Variants in ECT2 observed in about 807,000 individuals in gnomAD.
The protein encoded by ECT2 is protein ECT2.
Under a neutral mutation model 116.9 loss-of-function variants are expected in ECT2, and 61 were observed. That is an observed-to-expected ratio of 0.52 (90% CI 0.42 to 0.65). ECT2 has a LOEUF of 0.65. ECT2 is among the 30% of genes least tolerant of loss of function. The pLI is 0.00. For synonymous variants in ECT2, 358 were observed against 346.4 expected (o/e 1.03, Z -0.37); for missense variants, 937 against 1,078.7 (o/e 0.87, Z 1.84).
intron 1 of ECT2, chr3:172,752,053 A>G (rs937116178): frequency 1.3e-5 from 2 of 151,890 alleles, no homozygotes; most frequent in African/African-American, 4.8e-5. Context: ...CCTTTTATTA[A>G]TCATCTGCTT....
intron 24 of ECT2, among the ~76,000 whole-genome samples, chr3:172,819,374 GTTAT>G (rs1401597806): frequency 3.3e-5 from 5 of 152,016 alleles, no homozygotes; most frequent in Non-Finnish European, 7.4e-5. Flanking sequence ...GTCTTTGCAT[GTTAT>G]TTGTTAGAGT....
intron 14 of ECT2, among the ~76,000 whole-genome samples, chr3:172,775,839 G>A (rs1297966034): frequency 6.6e-6 from 1 of 152,022 alleles, no homozygotes; most frequent in Non-Finnish European, 1.5e-5. Flanking sequence ...CTGCCATGCT[G>A]ACCAGGCTGG....
At chr3:172,798,305 A>C (rs533773848) in intron 18 of ECT2, among the ~76,000 whole-genome samples, 3 of 152,150 alleles carry the variant, frequency 2.0e-5, no homozygotes, top group Non-Finnish European at 4.4e-5. Flanking sequence ...GTCAGTTGCA[A>C]ACTTTCACCA....
chr3:172,803,104 TA>T (rs1170525482), intron 20 of ECT2, 124 bp downstream of exon 20: 2 of 927,140 alleles, frequency 2.2e-6, no homozygotes, highest in Non-Finnish European at 3.0e-6. Flanking sequence ...AATCTTTTTT[TA>T]AAAAAATCGA....
chr3:172,799,433 A>G (rs565273882), intron 18 of ECT2, among the ~76,000 whole-genome samples: 1 of 152,322 alleles, frequency 6.6e-6, no homozygotes, highest in East Asian at 1.9e-4. Flanking sequence ...CCATATGATG[A>G]CACTCCTACC....
rs528288032 is a variant in ECT2 at position 172,807,347 on chromosome 3, A to C, written c.2246-423A>C. ...TCGGTCAGCAGTTGATTGAATCCACAGATGCAGACCCACAGATACGGAAGG... is the reference window on the plus strand; with the variant it reads ...TCGGTCAGCAGTTGATTGAATCCACCGATGCAGACCCACAGATACGGAAGG... On this transcript the variant is annotated intron_variant, in intron 21 of 24. Coordinates refer to ENST00000392692, the MANE Select transcript of ECT2 (RefSeq NM_001258315.2). Among the ~76,000 whole-genome samples the C allele has an allele frequency of 1.9e-4, 29 of 152,326 alleles. No individual in the cohort carries two copies. The South Asian group carries it at 3.9e-3, about 21-fold the overall frequency.
In ECT2 at chr3:172,776,890, T is replaced by G. The variant is rs539215997; in HGVS notation, c.1548+2868T>G. Among the ~76,000 whole-genome samples the G allele has an allele frequency of 9.9e-5, 15 of 152,146 alleles. No individual in the cohort carries two copies. The South Asian group carries it at 3.1e-3, about 32-fold the overall frequency. ...ACGGGTTTGTTTTTTTTTTTTTCTTTTTGCGACAAAGTCTCGCTCTGTTGC... is the reference window on the plus strand; with the variant it reads ...ACGGGTTTGTTTTTTTTTTTTTCTTGTTGCGACAAAGTCTCGCTCTGTTGC... On this transcript the variant is annotated intron_variant, in intron 14 of 24. Transcript: ENST00000392692.
At chr3:172,766,643 A>G (rs1415438092) in intron 12 of ECT2, among the ~76,000 whole-genome samples, 2 of 152,340 alleles carry the variant, frequency 1.3e-5, no homozygotes, top group Admixed American at 6.5e-5. Context: ...GCAAATTACT[A>G]ATTTAAATGA....
At chr3:172,791,205 G>C (rs1452145558) in intron 18 of ECT2, among the ~76,000 whole-genome samples, 1 of 152,188 alleles carries the variant, frequency 6.6e-6, no homozygotes, top group African/African-American at 2.4e-5. Flanking sequence ...ATGCTTTGTT[G>C]TTTCATTTAT....
the ECT2 span, among the ~76,000 whole-genome samples, chr3:172,827,248 T>C: frequency 6.6e-6 from 1 of 152,302 alleles, no homozygotes; most frequent in Middle Eastern, 3.4e-3. Context: ...AAAATGGAAC[T>C]ATCATATGAT....
Position 172,769,041 on chromosome 3 carries a change from C to A in ECT2, c.1326C>A (p.Ser442Arg). ...AGTCTTGTACTAAGTCTTCTAAAAG[C>A]TCCACTCCAGTTCCTTCAAAGCAGT... is the stretch of plus-strand genomic sequence containing the variant. ...TPKSCTKSSK[S>R]STPVPSKQSA... The change falls in exon 13 of 25, where the codon AGC (serine) becomes AGA (arginine). Residue 442 changes from serine to arginine, a missense_variant. Coordinates refer to ENST00000392692, the MANE Select transcript of ECT2 (RefSeq NM_001258315.2). 6.2e-7 allele frequency: 1 copy of A among 1,613,196 alleles called. No homozygotes were observed. The highest frequency in any genetic ancestry group is 1.1e-5 in the South Asian group (1 of 90,914).
At chr3:172,805,615 A>G (rs916635403) in intron 20 of ECT2, 116 bp from the exon 21 acceptor site, 2 of 1,028,494 alleles carry the variant, frequency 1.9e-6, no homozygotes, top group African/African-American at 1.6e-5. Context: ...TTTGTAACGA[A>G]TAATAACTAA....
At chr3:172,775,192 T>C (rs962330970) in intron 14 of ECT2, among the ~76,000 whole-genome samples, 1 of 152,260 alleles carries the variant, frequency 6.6e-6, no homozygotes, top group Non-Finnish European at 1.5e-5. Flanking sequence ...ATTTTACCTA[T>C]GTAGTACTTG....
intron 22 of ECT2, among the ~76,000 whole-genome samples, chr3:172,812,030 G>C (rs1728854979): frequency 6.6e-6 from 1 of 151,168 alleles, no homozygotes; most frequent in Non-Finnish European, 1.5e-5. Context: ...TGTTACGCAG[G>C]CTGGAGTGCA....
Position 172,802,880 on chromosome 3 carries a change from A to AG in ECT2, c.2006_2007insG (p.His669GlnfsTer9). 6.2e-7 allele frequency: 1 copy of AG among 1,612,816 alleles called. No individual in the cohort carries two copies. The highest frequency in any genetic ancestry group is 8.5e-7 in the Non-Finnish European group (1 of 1,179,370). ...ATACAGGCTAATCTTTTATCTTCTC[A>AG]CCGAAGCTTAGTACAGCGGGTTGAA... is the stretch of plus-strand genomic sequence containing the variant. On this transcript the variant is annotated frameshift_variant, in exon 20 of 25. Coordinates refer to ENST00000392692, the MANE Select transcript of ECT2 (RefSeq NM_001258315.2). LOFTEE classifies it high-confidence loss of function.
chr3:172,781,226 G>GGA (rs1321762204), intron 14 of ECT2, among the ~76,000 whole-genome samples: 1 of 152,066 alleles, frequency 6.6e-6, no homozygotes, highest in African/African-American at 2.4e-5. Context: ...ATTAGTAAGG[G>GGA]GAGTGGTAGT....
rs141129695 is a variant in ECT2, at chr3:172,757,006, G to A, written c.327G>A (p.Lys109=). The part of the protein sequence containing the change: ...INMDIKVGFV[K]MESVEEFEGL... The stretch of plus-strand genomic sequence containing the variant: ...AGGACATTAAAGTGGGCTTTGTAAA[G>A]ATGGAGTCAGTGGAAGAATTTGAAG... Residue 109 remains lysine (K), a synonymous_variant, in exon 5 of 25, where the codon AAG becomes AAA. Coordinates refer to ENST00000392692, the MANE Select transcript of ECT2 (RefSeq NM_001258315.2). 1.2e-5 allele frequency: 19 copies of A among 1,607,308 alleles called. No individual in the cohort carries two copies. The African/African-American group carries it at 2.5e-4, about 22-fold the overall frequency.
At chr3:172,759,336 G>A (rs1000403280) in intron 6 of ECT2, among the ~76,000 whole-genome samples, 1 of 152,148 alleles carries the variant, frequency 6.6e-6, no homozygotes, top group South Asian at 2.1e-4. Flanking sequence ...TATTGGCTAC[G>A]TTGGTTATTT....
At position 172,762,978 on chromosome 3, in the gene ECT2, C is replaced by CT; in HGVS notation, c.1068+10dup. ...CTATGTATTTATATGAAAAGGTATGCTTTTAACCCCTTACTTATTTGTTCT... is the reference window on the plus strand; with the variant it reads ...CTATGTATTTATATGAAAAGGTATGCTTTTTAACCCCTTACTTATTTGTTCT... On this transcript the variant is annotated splice_region_variant and intron_variant, in intron 11 of 24. Transcript: ENST00000392692. 2 of 1,613,070 alleles carry CT rather than the reference C, an allele frequency of 1.2e-6. No homozygotes were observed. Among genetic ancestry groups the CT allele is most frequent in the Non-Finnish European group, 1.7e-6 (2 of 1,179,452 alleles).
Sources: allele counts gnomAD v4.1 joint callset (sites outside exome capture counted in the v4.1 genomes callset), GRCh38; gene constraint gnomAD v4.1.1; transcripts MANE v1.5; gene names NCBI Gene and HGNC (gene_info 2026-07-23, HGNC 2026-07-21).